The following PRPF18 variants were observed in gnomAD, a reference collection of about 807,000 sequenced individuals.
PRPF18 encodes pre-mRNA processing factor 18, also known as pre-mRNA-splicing factor 18.
PRPF18 carries 38 observed loss-of-function variants against 46.5 expected under a neutral mutation model. The observed-to-expected ratio is 0.82, with a 90% confidence interval of 0.63 to 1.07. PRPF18 has a LOEUF of 1.07. Among genes scored for constraint, PRPF18 ranks in the 50% least tolerant of loss-of-function variants. PRPF18 has a pLI of 0.00. For synonymous variants in PRPF18, 152 were observed against 146.7 expected, an observed-to-expected ratio of 1.04 and a Z score of -0.26; for missense variants, 263 against 410.0, an observed-to-expected ratio of 0.64 and a Z score of 3.10.
chr10:13,601,482 G>A (rs144328326), intron 3 of PRPF18, among the ~76,000 whole-genome samples: 51 of 152,136 alleles, frequency 3.4e-4, no homozygotes, highest in Middle Eastern at 3.4e-3. Context: ...CTTATCTTCC[G>A]TTTCCTCCCA....
the PRPF18 span, chr10:13,639,365 T>A: frequency 0.73 from 110,236 of 151,930 alleles, 40,336 homozygotes; most frequent in East Asian, 0.82. Context: ...AGAGAATTAG[T>A]CTCTCTTCTG....
the PRPF18 span, chr10:13,641,642 C>T: frequency 6.6e-6 from 1 of 152,184 alleles, no homozygotes; most frequent in African/African-American, 2.4e-5. Flanking sequence ...GACTACGATA[C>T]CAGGTGGAAA....
intron 5 of PRPF18, among the ~76,000 whole-genome samples, chr10:13,611,165 G>A (rs1037134080): frequency 6.1e-5 from 9 of 148,198 alleles, no homozygotes; most frequent in Admixed American, 1.3e-4. Context: ...TAAAATAATT[G>A]GTATGGGCAA....
chr10:13,616,441 G>A lies in PRPF18; in HGVS notation c.836G>A (p.Trp279Ter), dbSNP rs1033908112. The change falls in exon 9 of 10, where the codon TGG becomes TAG. Residue 279 changes from tryptophan (W) to a stop codon, truncating the protein, a stop_gained. Transcript: ENST00000378572. LOFTEE classifies it high-confidence loss of function. ...CAGATGGCCATTGGAAATGCGCCTT[G>A]GCCCATCGGTGTCACTATGGTTGGT... Reference protein sequence around the residue: ...YLQMAIGNAPWPIGVTMVGIH... With the variant: ...YLQMAIGNAP The A allele has an allele frequency of 6.2e-7, 1 of 1,613,098 alleles. No individual in the cohort carries two copies. Among genetic ancestry groups the A allele is most frequent in the African/African-American group, 1.3e-5 (1 of 74,910 alleles).
At chr10:13,639,738 C>G in the PRPF18 span, 1 of 152,152 alleles carries the variant, frequency 6.6e-6, no homozygotes, top group Non-Finnish European at 1.5e-5. Flanking sequence ...GCTGTTGTCT[C>G]AGCTCCAGAC....
At chr10:13,640,945 T>G in the PRPF18 span, 1 of 152,520 alleles carries the variant, frequency 6.6e-6, no homozygotes, top group Non-Finnish European at 1.5e-5. Context: ...TTATCTCACT[T>G]GGAGGGTGGC....
At chr10:13,628,994 A>C (rs755834993) in intron 9 of PRPF18, among the ~76,000 whole-genome samples, 15 of 152,202 alleles carry the variant, frequency 9.9e-5, no homozygotes, top group Non-Finnish European at 2.1e-4. Flanking sequence ...TGAGAAAGCT[A>C]AGAAGAATAA....
At chr10:13,621,240 C>CT (rs532681913) in intron 9 of PRPF18, among the ~76,000 whole-genome samples, 69 of 152,342 alleles carry the variant, frequency 4.5e-4, no homozygotes, top group African/African-American at 1.5e-3. Context: ...TCCTTCCTCA[C>CT]TGTGTTCCCT....
chr10:13,629,356 A>G (rs2080558741), intron 9 of PRPF18, among the ~76,000 whole-genome samples: 1 of 152,244 alleles, frequency 6.6e-6, no homozygotes, highest in Admixed American at 6.5e-5. Flanking sequence ...CTGACATATT[A>G]AAGTGGTTTT....
chr10:13,592,293 T>C (rs143837389), intron 1 of PRPF18: 24 of 421,630 alleles, frequency 5.7e-5, no homozygotes, highest in Admixed American at 2.6e-4. Flanking sequence ...TTCTCTTTAG[T>C]ATCCGGCTTC....
intron 9 of PRPF18, among the ~76,000 whole-genome samples, chr10:13,619,367 CA>C (rs2080392466): frequency 6.6e-6 from 1 of 152,216 alleles, no homozygotes; most frequent in Non-Finnish European, 1.5e-5. Flanking sequence ...TATAGACTCA[CA>C]AGAAGTTGCA....
At chr10:13,609,927 A>G (rs2080247279) in intron 4 of PRPF18, 112 bp from the exon 5 acceptor site, 3 of 1,167,702 alleles carry the variant, frequency 2.6e-6, no homozygotes, top group African/African-American at 3.1e-5. Context: ...CTTTTGCTGA[A>G]CTCTTCTTGT....
the PRPF18 span, chr10:13,646,852 G>A: frequency 1.2e-4 from 25 of 207,948 alleles, no homozygotes; most frequent in Non-Finnish European, 1.6e-4. Context: ...GCAGGGTGAC[G>A]GTGCGTCTGG....
intron 4 of PRPF18, among the ~76,000 whole-genome samples, chr10:13,607,050 G>T (rs2478117): frequency 6.6e-6 from 1 of 152,048 alleles, no homozygotes; most frequent in Non-Finnish European, 1.5e-5. Flanking sequence ...TTTTCATAAA[G>T]TTGTGTTCAT....
intron 1 of PRPF18, chr10:13,591,928 G>GTTTTT: frequency 3.0e-6 from 3 of 1,011,560 alleles, no homozygotes; most frequent in Non-Finnish European, 4.1e-6. Context: ...TCAACTGAGG[G>GTTTTT]TTTTTTTTTT....
intron 4 of PRPF18, among the ~76,000 whole-genome samples, chr10:13,608,580 C>G (rs1173437619): frequency 6.6e-6 from 1 of 152,204 alleles, no homozygotes; most frequent in East Asian, 1.9e-4. Flanking sequence ...TGTTTTTATA[C>G]TTTCACATGC....
chr10:13,649,143 T>C, the PRPF18 span: 1 of 152,242 alleles, frequency 6.6e-6, no homozygotes, highest in Middle Eastern at 3.2e-3. Context: ...CTCTTGTATG[T>C]TGGATCCTAA....
chr10:13,614,204 T>A, intron 8 of PRPF18, 118 bp downstream of exon 8: 1 of 796,024 alleles, frequency 1.3e-6, no homozygotes, highest in Non-Finnish European at 1.9e-6. Flanking sequence ...AAATGTGAGA[T>A]GAGTTAGTAG....
the PRPF18 span, chr10:13,646,963 C>T: frequency 1.0e-6 from 1 of 983,806 alleles, no homozygotes; most frequent in Non-Finnish European, 1.2e-6. Flanking sequence ...TGGCTTTTTC[C>T]TGCCCGTACC....
Sources: allele counts gnomAD v4.1 joint callset (sites outside exome capture counted in the v4.1 genomes callset), GRCh38; gene constraint gnomAD v4.1.1; transcripts MANE v1.5; gene names NCBI Gene and HGNC (gene_info 2026-07-23, HGNC 2026-07-21).